Variants in RYR2 observed in about 807,000 individuals in gnomAD.
RYR2 encodes the protein ryanodine receptor 2, also known as cardiac muscle ryanodine receptor-calcium release channel.
Under a neutral mutation model 601.1 loss-of-function variants are expected in RYR2, and 227 were observed. The ratio of observed to expected loss-of-function variants is 0.38; its 90% CI spans 0.34 to 0.42. RYR2 has a LOEUF of 0.42. RYR2 is among the 10% of genes least tolerant of loss of function. RYR2 has a pLI of 1.00. For synonymous variants in RYR2, 2,223 were observed against 2,175.1 expected, an observed-to-expected ratio of 1.02 and a Z score of -0.61; for missense variants, 4,646 against 6,156.5, an observed-to-expected ratio of 0.75 and a Z score of 8.21.
chr1:237,462,565 A>G (rs1327204125), intron 16 of RYR2, among the ~76,000 whole-genome samples: 1 of 152,188 alleles, frequency 6.6e-6, no homozygotes, highest in Non-Finnish European at 1.5e-5. Context: ...TTTCCTATGA[A>G]TACTCATTTT....
At chr1:237,471,507 T>A (rs1455408859) in intron 17 of RYR2, among the ~76,000 whole-genome samples, 1 of 152,146 alleles carries the variant, frequency 6.6e-6, no homozygotes, top group Admixed American at 6.5e-5. Context: ...AGAAGACATT[T>A]AAAAAATGCT....
chr1:237,807,103 C>A (rs1660713180), intron 99 of RYR2, among the ~76,000 whole-genome samples: 1 of 152,122 alleles, frequency 6.6e-6, no homozygotes, highest in Non-Finnish European at 1.5e-5. Context: ...CATCAGTTTT[C>A]TAAATTTCAG....
rs1255606549 is a variant in RYR2, at chr1:237,384,339, G to A, written c.577-2942G>A. Reference sequence around the variant, plus strand: ...CTCCTTATTACCTAAAATCAAGGTCGTTGGTTTGGCGCCAGCCTTTGTCTG... The same window carrying A: ...CTCCTTATTACCTAAAATCAAGGTCATTGGTTTGGCGCCAGCCTTTGTCTG... On this transcript the variant is annotated intron_variant, in intron 8 of 104. Coordinates refer to ENST00000366574, the MANE Select transcript of RYR2 (RefSeq NM_001035.3). 5.9e-5 allele frequency among the ~76,000 whole-genome samples: 9 copies of A among 152,214 alleles called. No individual in the cohort carries two copies. The East Asian group carries it at 1.5e-3, about 26-fold the overall frequency.
chr1:237,747,437 AC>A (rs570995653), intron 80 of RYR2, among the ~76,000 whole-genome samples: 2 of 152,200 alleles, frequency 1.3e-5, no homozygotes, highest in Non-Finnish European at 2.9e-5. Flanking sequence ...ATATTGTCAT[AC>A]CTGCTAACAT....
intron 84 of RYR2, among the ~76,000 whole-genome samples, chr1:237,763,852 A>G (rs1693627459): frequency 6.6e-6 from 1 of 152,064 alleles, no homozygotes; most frequent in African/African-American, 2.4e-5. Flanking sequence ...TTTTGAGATC[A>G]CTCTTTTGTT....
At chr1:237,377,283 G>A (rs748259417) in intron 7 of RYR2, 40 bp from the exon 8 acceptor site, 1 of 1,457,288 alleles carries the variant, frequency 6.9e-7, no homozygotes, top group Non-Finnish European at 9.4e-7. Flanking sequence ...TTTTAATTAA[G>A]AGGAACTTTT....
intron 17 of RYR2, among the ~76,000 whole-genome samples, chr1:237,486,385 G>A (rs1047699061): frequency 5.9e-5 from 9 of 152,250 alleles, no homozygotes; most frequent in East Asian, 3.9e-4. Flanking sequence ...GTTTATTGCT[G>A]TACAATACTT....
At chr1:237,128,771 G>C (rs1671820136) in intron 1 of RYR2, among the ~76,000 whole-genome samples, 2 of 152,180 alleles carry the variant, frequency 1.3e-5, no homozygotes, top group African/African-American at 4.8e-5. Flanking sequence ...GAGAGCTGTT[G>C]CAGTGATCCA....
chr1:237,766,043 T>G (rs1693824945), intron 84 of RYR2, among the ~76,000 whole-genome samples: 1 of 152,122 alleles, frequency 6.6e-6, no homozygotes, highest in Non-Finnish European at 1.5e-5. Flanking sequence ...GCAAAGACAT[T>G]CCAATGCGAG....
At chr1:237,309,778 A>G (rs1694334495) in intron 2 of RYR2, among the ~76,000 whole-genome samples, 1 of 152,100 alleles carries the variant, frequency 6.6e-6, no homozygotes, top group African/African-American at 2.4e-5. Context: ...CCCTGCGGGG[A>G]GGCAGCTGAG....
chr1:237,268,603 T>G lies in RYR2; in HGVS notation c.49-1894T>G, dbSNP rs147768780. ...TGGGCTTTGCCTGTGGCTGGTGCTATAAGCTACGCTATTAAATATTGGTGC... is the reference window on the plus strand; with the variant it reads ...TGGGCTTTGCCTGTGGCTGGTGCTAGAAGCTACGCTATTAAATATTGGTGC... On this transcript the variant is annotated intron_variant, in intron 1 of 104. Coordinates refer to ENST00000366574, the MANE Select transcript of RYR2 (RefSeq NM_001035.3). Among the ~76,000 whole-genome samples the G allele has an allele frequency of 1.8e-3, 279 of 152,250 alleles. 1 individual carries two copies. The highest frequency in any genetic ancestry group is 6.1e-3 in the African/African-American group (253 of 41,550).
At chr1:237,203,849 G>A (rs111776061) in intron 1 of RYR2, among the ~76,000 whole-genome samples, 1,907 of 152,142 alleles carry the variant, frequency 0.013, 57 homozygotes, top group African/African-American at 0.044. Flanking sequence ...GCCCTATTCC[G>A]TGCAGTCTCC....
intron 10 of RYR2, among the ~76,000 whole-genome samples, chr1:237,394,003 T>C (rs1348737254): frequency 2.0e-5 from 3 of 152,142 alleles, no homozygotes; most frequent in African/African-American, 7.2e-5. Context: ...GCATTTAGAG[T>C]ATATGAATAG....
At position 237,724,730 on chromosome 1, in the gene RYR2, TTTAAGA is replaced by T. The variant is rs202172223; in HGVS notation, c.10689+1472_10689+1477del. On this transcript the variant is annotated intron_variant, in intron 74 of 104. Coordinates refer to ENST00000366574, the MANE Select transcript of RYR2 (RefSeq NM_001035.3). The stretch of plus-strand genomic sequence containing the variant: ...ATCTCCAGAATTATATATATATATG[TTTAAGA>T]TTATTAAAGGTTAATTAAATGGCTA... Among the ~76,000 whole-genome samples the T allele has an allele frequency of 7.1e-3, 969 of 135,552 alleles. 2 individuals carry two copies. The highest frequency in any genetic ancestry group is 0.019 in the Middle Eastern group (5 of 266). The allele number at this position is 135,552 out of a possible 152,430, so 88.9% of individuals were successfully genotyped here. A position where few individuals can be genotyped will look rare whatever the true frequency, so the allele number is the denominator to read the frequency against.
At chr1:237,595,408 C>T (rs930997050) in intron 33 of RYR2, 90 bp from the exon 34 acceptor site, 25 of 1,456,020 alleles carry the variant, frequency 1.7e-5, no homozygotes, top group Admixed American at 7.0e-5. Context: ...TTGTTGCTTG[C>T]GCAGCATAAT....
rs71561861 is a variant in RYR2, at chr1:237,172,499, AT to A, written c.49-97987del. 6.0e-3 allele frequency among the ~76,000 whole-genome samples: 894 copies of A among 147,812 alleles called. 7 individuals are homozygous for A. The highest frequency in any genetic ancestry group is 0.02 in the African/African-American group (830 of 40,694). On this transcript the variant is annotated intron_variant, in intron 1 of 104. Coordinates refer to ENST00000366574, the MANE Select transcript of RYR2 (RefSeq NM_001035.3). Reference sequence around the variant, plus strand: ...ATTTTTGATCTTAAATACCTGTTTGATTTTTTTTTTTAATGAGGAAAGGCAG... The same window carrying A: ...ATTTTTGATCTTAAATACCTGTTTGATTTTTTTTTTAATGAGGAAAGGCAG...
chr1:237,124,631 C>T (rs1171806558), intron 1 of RYR2, among the ~76,000 whole-genome samples: 1 of 152,156 alleles, frequency 6.6e-6, no homozygotes, highest in East Asian at 1.9e-4. Flanking sequence ...TCTTCAAGAC[C>T]AGCAATGGCT....
chr1:237,645,557 A>G (rs1573313359), intron 48 of RYR2, among the ~76,000 whole-genome samples: 1 of 152,230 alleles, frequency 6.6e-6, no homozygotes, highest in South Asian at 2.1e-4. Flanking sequence ...GTAATAACAT[A>G]ATAACAAAGA....
chr1:237,231,329 T>TC (rs1684979852), intron 1 of RYR2, among the ~76,000 whole-genome samples: 1 of 151,814 alleles, frequency 6.6e-6, no homozygotes, highest in Non-Finnish European at 1.5e-5. Flanking sequence ...TTTCTTTCTT[T>TC]TTTTTTTTCT....
Sources: gnomAD v4.1 joint callset for allele counts (sites outside exome capture counted in the v4.1 genomes callset) on GRCh38, gnomAD v4.1.1 for gene constraint, MANE v1.5 for transcripts, NCBI Gene and HGNC (gene_info 2026-07-23, HGNC 2026-07-21) for gene names.